Variants in PLPPR1 observed in about 807,000 individuals in gnomAD.
The protein encoded by PLPPR1 is phospholipid phosphatase-related protein type 1.
A neutral mutation model predicts 33.1 loss-of-function variants in PLPPR1; 10 were observed. The ratio of observed to expected loss-of-function variants is 0.30; its 90% CI spans 0.19 to 0.51. PLPPR1 has a LOEUF of 0.51. PLPPR1 is among the 20% of genes least tolerant of loss of function. The probability of loss-of-function intolerance (pLI) is 0.97; values close to 1 mark genes in which losing one functional copy is unlikely to be tolerated. For synonymous variants in PLPPR1, 151 were observed against 151.0 expected, an observed-to-expected ratio of 1.00 and a Z score of 0.00; for missense variants, 304 against 408.1, an observed-to-expected ratio of 0.74 and a Z score of 2.20.
chr9:101,046,079 T>G (rs1830139688), intron 1 of PLPPR1, among the ~76,000 whole-genome samples: 1 of 152,170 alleles, frequency 6.6e-6, no homozygotes. Flanking sequence ...ACATACACAT[T>G]CTAATGCATC....
intron 1 of PLPPR1, among the ~76,000 whole-genome samples, chr9:101,032,504 T>C (rs759301414): frequency 6.6e-6 from 1 of 152,224 alleles, no homozygotes; most frequent in Non-Finnish European, 1.5e-5. Flanking sequence ...TCTTCTTTCC[T>C]GGCATTCACT....
intron 1 of PLPPR1, among the ~76,000 whole-genome samples, chr9:101,035,995 A>T (rs79650147): frequency 0.016 from 2,502 of 152,268 alleles, 35 homozygotes; most frequent in African/African-American, 0.041. Flanking sequence ...GTGGGGTGAG[A>T]GAAGCAAACG....
At chr9:101,180,143 T>TAC (rs369914371) in intron 1 of PLPPR1, among the ~76,000 whole-genome samples, 2,141 of 38,650 alleles carry the variant, frequency 0.055, 95 homozygotes, top group East Asian at 0.14. Flanking sequence ...TATATATATA[T>TAC]ACACACACAC....
At chr9:101,109,134 A>ATTTTTT (rs67666339) in intron 1 of PLPPR1, among the ~76,000 whole-genome samples, 4 of 99,724 alleles carry the variant, frequency 4.0e-5, no homozygotes, top group South Asian at 3.4e-4. Context: ...AATTTTTTGT[A>ATTTTTT]TTTTTTTTTT....
At chr9:101,044,406 G>A (rs1830120869) in intron 1 of PLPPR1, among the ~76,000 whole-genome samples, 1 of 152,142 alleles carries the variant, frequency 6.6e-6, no homozygotes, top group Admixed American at 6.5e-5. Context: ...TAAAGAGTGT[G>A]AGATTTCTGT....
chr9:101,311,578 C>T (rs1225497851), intron 5 of PLPPR1, among the ~76,000 whole-genome samples: 1 of 152,112 alleles, frequency 6.6e-6, no homozygotes, highest in East Asian at 1.9e-4. Flanking sequence ...GTAACATTTA[C>T]CAGAGTCTGA....
chr9:101,036,988 C>A lies in PLPPR1; in HGVS notation c.-46+7886C>A, dbSNP rs114585673. ...ATCTAAGTCCAAAATCTATGCTTAT[C>A]TTATTTAATCCTTCTGATTCTCAAA... On this transcript the variant is annotated intron_variant, in intron 1 of 7. Coordinates refer to ENST00000374874, the MANE Select transcript of PLPPR1 (RefSeq NM_207299.2). Among the ~76,000 whole-genome samples, 1,455 of 152,164 alleles carry A rather than the reference C, an allele frequency of 9.6e-3. 22 individuals are homozygous for A. Among genetic ancestry groups the A allele is most frequent in the African/African-American group, 0.033 (1,370 of 41,468 alleles).
At chr9:101,032,356 T>C (rs986689394) in intron 1 of PLPPR1, among the ~76,000 whole-genome samples, 20 of 152,192 alleles carry the variant, frequency 1.3e-4, no homozygotes, top group Middle Eastern at 3.4e-3. Flanking sequence ...AGGGAACTTA[T>C]TGTGGAAATG....
At chr9:101,029,632 G>A (rs983853269) in intron 1 of PLPPR1, among the ~76,000 whole-genome samples, 1 of 152,188 alleles carries the variant, frequency 6.6e-6, no homozygotes, top group Non-Finnish European at 1.5e-5. Context: ...CGCATAGTGG[G>A]GTGTGTGTGT....
intron 6 of PLPPR1, among the ~76,000 whole-genome samples, chr9:101,315,276 TAAG>T (rs1041328065): frequency 2.0e-5 from 3 of 152,164 alleles, no homozygotes; most frequent in Non-Finnish European, 4.4e-5. Flanking sequence ...GGAATTTTTT[TAAG>T]AAGGAAAGAA....
At chr9:101,132,490 A>T (rs565510063) in intron 1 of PLPPR1, among the ~76,000 whole-genome samples, 2 of 152,190 alleles carry the variant, frequency 1.3e-5, no homozygotes, top group Admixed American at 6.5e-5. Flanking sequence ...GTCAGTGGTT[A>T]CCAGGAGTTG....
chr9:101,144,415 TAAAG>T (rs1035864112), intron 1 of PLPPR1, among the ~76,000 whole-genome samples: 2 of 151,992 alleles, frequency 1.3e-5, no homozygotes, highest in Non-Finnish European at 2.9e-5. Context: ...AGTATAATAA[TAAAG>T]AAGTAATTAA....
intron 2 of PLPPR1, among the ~76,000 whole-genome samples, chr9:101,195,199 A>G (rs976672160): frequency 1.3e-5 from 2 of 152,204 alleles, no homozygotes; most frequent in Non-Finnish European, 2.9e-5. Flanking sequence ...TTTAATTGAT[A>G]TAGGTCAGTT....
intron 4 of PLPPR1, among the ~76,000 whole-genome samples, chr9:101,294,617 C>T (rs1378891613): frequency 1.3e-5 from 2 of 152,138 alleles, no homozygotes; most frequent in African/African-American, 4.8e-5. Context: ...ATCAAGTGGG[C>T]TTCATCCCTG....
At chr9:101,274,102 G>C (rs943517474) in intron 3 of PLPPR1, among the ~76,000 whole-genome samples, 7 of 152,136 alleles carry the variant, frequency 4.6e-5, no homozygotes, top group African/African-American at 1.7e-4. Context: ...TTGGTCAGTG[G>C]ACAGAGCATT....
intron 1 of PLPPR1, among the ~76,000 whole-genome samples, chr9:101,056,112 C>T (rs1383110596): frequency 6.6e-6 from 1 of 152,098 alleles, no homozygotes; most frequent in Non-Finnish European, 1.5e-5. Flanking sequence ...GAAGTATGTA[C>T]TATTATTACC....
At chr9:101,177,360 T>A (rs1307477042) in intron 1 of PLPPR1, among the ~76,000 whole-genome samples, 1 of 152,226 alleles carries the variant, frequency 6.6e-6, no homozygotes, top group Non-Finnish European at 1.5e-5. Context: ...GTATTCTTTT[T>A]CAATGCTATT....
At chr9:101,134,308 A>C (rs559472479) in intron 1 of PLPPR1, among the ~76,000 whole-genome samples, 4 of 152,218 alleles carry the variant, frequency 2.6e-5, no homozygotes, top group Admixed American at 6.5e-5. Flanking sequence ...AGCCTAAGTC[A>C]TAGAAAATAA....
chr9:101,253,114 A>AT (rs1827740791), intron 2 of PLPPR1, among the ~76,000 whole-genome samples: 1 of 152,172 alleles, frequency 6.6e-6, no homozygotes, highest in South Asian at 2.1e-4. Flanking sequence ...AATATTCCTC[A>AT]TTTTTTAGAG....
Sources: allele counts gnomAD v4.1 joint callset (sites outside exome capture counted in the v4.1 genomes callset), GRCh38; gene constraint gnomAD v4.1.1; transcripts MANE v1.5; gene names NCBI Gene and HGNC (gene_info 2026-07-23, HGNC 2026-07-21).